The following MGAT5 variants were observed in gnomAD, a reference collection of about 807,000 sequenced individuals.
MGAT5 encodes alpha-1,6-mannosylglycoprotein 6-beta-N-acetylglucosaminyltransferase A.
A neutral mutation model predicts 94.3 loss-of-function variants in MGAT5; 30 were observed. The ratio of observed to expected loss-of-function variants is 0.32; its 90% CI spans 0.24 to 0.43. The LOEUF is 0.43. MGAT5 is among the 20% of genes least tolerant of loss of function. The pLI is 1.00. For synonymous variants in MGAT5, 310 were observed against 322.9 expected, an observed-to-expected ratio of 0.96 and a Z score of 0.43; for missense variants, 691 against 905.5, an observed-to-expected ratio of 0.76 and a Z score of 3.04.
In MGAT5 at chr2:134,196,820, C is replaced by T. The variant is rs539357022; in HGVS notation, c.-142-57442C>T. ...GTGGCCCAAGACAGTTCTTCTAGTGCGGCCCTTTGGTGAAGCCAAAACATT... is the reference window on the plus strand; with the variant it reads ...GTGGCCCAAGACAGTTCTTCTAGTGTGGCCCTTTGGTGAAGCCAAAACATT... On this transcript the variant is annotated intron_variant, in intron 1 of 16. Coordinates refer to the MGAT5 transcript ENST00000409645. Among the ~76,000 whole-genome samples the T allele has an allele frequency of 4.6e-5, 7 of 152,278 alleles. No individual in the cohort carries two copies. In the East Asian group the frequency reaches 1.3e-3, roughly 29 times the overall value.
chr2:134,344,821 TA>T, intron 7 of MGAT5, 108 bp from the exon 8 acceptor site: 2 of 1,355,732 alleles, frequency 1.5e-6, no homozygotes, highest in Non-Finnish European at 2.0e-6. Flanking sequence ...CTGTCATCTC[TA>T]AAAAGGATTT....
chr2:134,145,206 C>G (rs957173987), intron 1 of MGAT5, among the ~76,000 whole-genome samples: 1 of 111,718 alleles, frequency 9.0e-6, no homozygotes. Flanking sequence ...GTGTGTGTGT[C>G]TCTCTCTCTG....
chr2:134,405,111 C>G (rs2106305228), intron 11 of MGAT5, among the ~76,000 whole-genome samples: 1 of 152,334 alleles, frequency 6.6e-6, no homozygotes, highest in African/African-American at 2.4e-5. Context: ...CCCTTACTTA[C>G]CTACCATCCA....
At chr2:134,435,175 T>C (rs1161764015) in intron 14 of MGAT5, among the ~76,000 whole-genome samples, 1 of 152,184 alleles carries the variant, frequency 6.6e-6, no homozygotes, top group Non-Finnish European at 1.5e-5. Context: ...TCTTACTTCA[T>C]GGAAAAGCTA....
At chr2:134,218,102 A>G (rs1421918988) in intron 1 of MGAT5, among the ~76,000 whole-genome samples, 1 of 152,238 alleles carries the variant, frequency 6.6e-6, no homozygotes, top group African/African-American at 2.4e-5. Flanking sequence ...TAAGTGAGTC[A>G]CAGTGGTATA....
intron 15 of MGAT5, among the ~76,000 whole-genome samples, chr2:134,448,436 C>A (rs190389266): frequency 4.6e-5 from 7 of 152,218 alleles, no homozygotes; most frequent in Admixed American, 2.6e-4. Context: ...CACACCCCTG[C>A]ACACACTCCC....
intron 1 of MGAT5, among the ~76,000 whole-genome samples, chr2:134,259,321 C>G (rs191695995): frequency 1.3e-5 from 2 of 152,182 alleles, no homozygotes; most frequent in African/African-American, 4.8e-5. Context: ...GCCACTCACC[C>G]GAGTCAATGC....
intron 1 of MGAT5, among the ~76,000 whole-genome samples, chr2:134,188,983 A>G (rs985912351): frequency 6.6e-6 from 1 of 152,244 alleles, no homozygotes; most frequent in Admixed American, 6.5e-5. Context: ...ATGAAGAGAC[A>G]CATGGGCTGA....
chr2:134,120,269 T>A (rs1278247686), exon 1 of MGAT5: 2 of 377,694 alleles, frequency 5.3e-6, no homozygotes, highest in Non-Finnish European at 9.3e-6. Flanking sequence ...TGCTCCCGGC[T>A]GCTGCTGCTG....
intron 1 of MGAT5, among the ~76,000 whole-genome samples, chr2:134,191,035 G>C (rs548093249): frequency 6.6e-6 from 1 of 152,234 alleles, no homozygotes; most frequent in South Asian, 2.1e-4. Context: ...CCATCCCCCT[G>C]CTTTGGAACG....
chr2:134,343,498 A>C (rs891044044), intron 7 of MGAT5, among the ~76,000 whole-genome samples: 12 of 152,222 alleles, frequency 7.9e-5, no homozygotes, highest in African/African-American at 2.7e-4. Context: ...TTGTGGAAGC[A>C]GTATAGAGCA....
intron 13 of MGAT5, 60 bp downstream of exon 13, chr2:134,422,979 C>T (rs2289467): frequency 0.054 from 66,843 of 1,247,694 alleles, 2,238 homozygotes; most frequent in South Asian, 0.12. Flanking sequence ...GTGTATAAAA[C>T]ACATCATAGG....
At chr2:134,237,852 G>A (rs1318736745) in intron 1 of MGAT5, among the ~76,000 whole-genome samples, 1 of 151,292 alleles carries the variant, frequency 6.6e-6, no homozygotes, top group Admixed American at 6.6e-5. Context: ...CTGGGTTCAA[G>A]CAATTCTCCT....
At chr2:134,420,706 C>G (rs1684245326) in intron 12 of MGAT5, among the ~76,000 whole-genome samples, 1 of 152,104 alleles carries the variant, frequency 6.6e-6, no homozygotes, top group Non-Finnish European at 1.5e-5. Flanking sequence ...AAGCAAAGGC[C>G]TCAGCACTGG....
intron 2 of MGAT5, among the ~76,000 whole-genome samples, chr2:134,285,139 A>C (rs1684925294): frequency 6.6e-6 from 1 of 152,212 alleles, no homozygotes; most frequent in African/African-American, 2.4e-5. Flanking sequence ...TTTAAAAATT[A>C]AAAACACTTT....
At chr2:134,183,851 G>A (rs931061763) in intron 1 of MGAT5, among the ~76,000 whole-genome samples, 1 of 152,182 alleles carries the variant, frequency 6.6e-6, no homozygotes, top group Non-Finnish European at 1.5e-5. Flanking sequence ...GAGGTGTTAC[G>A]TGGGCAGCAG....
chr2:134,350,192 T>C (rs12990339), intron 9 of MGAT5, among the ~76,000 whole-genome samples: 16,064 of 152,174 alleles, frequency 0.11, 955 homozygotes, highest in South Asian at 0.21. Flanking sequence ...ACAAAGTATC[T>C]TTAGAAACTA....
At chr2:134,264,447 T>C (rs972125931) in intron 1 of MGAT5, among the ~76,000 whole-genome samples, 2 of 152,256 alleles carry the variant, frequency 1.3e-5, no homozygotes, top group African/African-American at 4.8e-5. Context: ...AGACTTGGTC[T>C]CTGCCCTCCC....
chr2:134,255,504 T>TATATACAC (rs1214033331), intron 1 of MGAT5, among the ~76,000 whole-genome samples: 2 of 149,740 alleles, frequency 1.3e-5, no homozygotes, highest in South Asian at 2.1e-4. Context: ...TACACATATA[T>TATATACAC]ACACATATAT....
Sources: gnomAD v4.1 joint callset for allele counts (sites outside exome capture counted in the v4.1 genomes callset) on GRCh38, gnomAD v4.1.1 for gene constraint, MANE v1.5 for transcripts, NCBI Gene and HGNC (gene_info 2026-07-23, HGNC 2026-07-21) for gene names.